The following VPS50 variants were observed in gnomAD, a reference collection of about 807,000 sequenced individuals.
The protein encoded by VPS50 is syndetin.
VPS50 carries 70 observed loss-of-function variants against 139.7 expected under a neutral mutation model. The observed-to-expected ratio is 0.50, with a 90% confidence interval of 0.41 to 0.61. VPS50 has a LOEUF of 0.61. Ranked by LOEUF, VPS50 falls within the 20% of genes least tolerant of loss-of-function variation. VPS50 has a pLI of 0.00. For missense variants in VPS50, 921 were observed against 1,133.7 expected (o/e 0.81, Z 2.69); for synonymous variants, 365 against 376.7 (o/e 0.97, Z 0.36).
At chr7:93,245,436 GAA>G (rs1333651020) in intron 2 of VPS50, among the ~76,000 whole-genome samples, 1 of 151,830 alleles carries the variant, frequency 6.6e-6, no homozygotes, top group African/African-American at 2.4e-5. Flanking sequence ...TTCTTTTAGA[GAA>G]AGTGTCTGAT....
rs1240659742 is a variant in VPS50 at position 93,238,135 on chromosome 7, A to G, written c.34-1731A>G. On this transcript the variant is annotated intron_variant, in intron 1 of 27. Coordinates refer to ENST00000305866, the MANE Select transcript of VPS50 (RefSeq NM_017667.4). The stretch of plus-strand genomic sequence containing the variant: ...TGTGTGCATATATAATGTATATAGA[A>G]GTGTAGTTTGGTAACTCAGCCTTGC... 2.0e-5 allele frequency among the ~76,000 whole-genome samples: 3 copies of G among 152,198 alleles called. No homozygotes were observed. In the East Asian group the frequency reaches 5.8e-4, roughly 29 times the overall value.
chr7:93,287,305 T>C (rs574617138), intron 12 of VPS50, among the ~76,000 whole-genome samples: 2 of 152,184 alleles, frequency 1.3e-5, no homozygotes, highest in South Asian at 4.1e-4. Context: ...ATAGCTTCAC[T>C]AAGTAACTTT....
chr7:93,275,090 T>G (rs1357121101), intron 11 of VPS50, among the ~76,000 whole-genome samples: 3 of 152,162 alleles, frequency 2.0e-5, no homozygotes, highest in African/African-American at 7.2e-5. Context: ...ATTGCTACAA[T>G]CTTATGATAA....
intron 21 of VPS50, among the ~76,000 whole-genome samples, chr7:93,327,311 G>A (rs146412249): frequency 1.9e-3 from 289 of 152,192 alleles, no homozygotes; most frequent in African/African-American, 6.8e-3. Context: ...AAATAGCCAC[G>A]TGTGACTACT....
chr7:93,270,751 T>C (rs1795981484), intron 9 of VPS50, among the ~76,000 whole-genome samples: 3 of 152,014 alleles, frequency 2.0e-5, no homozygotes, highest in Non-Finnish European at 4.4e-5. Context: ...TTTTAATTTT[T>C]TAAAAATATT....
chr7:93,252,133 T>C (rs1795353703), intron 2 of VPS50, among the ~76,000 whole-genome samples: 1 of 152,170 alleles, frequency 6.6e-6, no homozygotes, highest in African/African-American at 2.4e-5. Context: ...CTCATAGTAT[T>C]ACAGAACTAA....
At chr7:93,344,275 G>A (rs1798318346) in intron 23 of VPS50, among the ~76,000 whole-genome samples, 1 of 152,168 alleles carries the variant, frequency 6.6e-6, no homozygotes, top group South Asian at 2.1e-4. Flanking sequence ...AACAAGAAAA[G>A]CTAACTATCC....
intron 20 of VPS50, among the ~76,000 whole-genome samples, chr7:93,316,784 T>C (rs187706552): frequency 1.0e-3 from 155 of 152,262 alleles, no homozygotes; most frequent in Middle Eastern, 3.4e-3. Flanking sequence ...AAAAACATGA[T>C]CAGGATACAT....
intron 17 of VPS50, among the ~76,000 whole-genome samples, chr7:93,304,959 T>C (rs1024166035): frequency 2.0e-5 from 3 of 151,904 alleles, no homozygotes; most frequent in Admixed American, 1.3e-4. Flanking sequence ...ACATATATCA[T>C]TTAATACAAC....
chr7:93,356,947 C>T (rs756493063), intron 27 of VPS50, among the ~76,000 whole-genome samples: 1 of 152,060 alleles, frequency 6.6e-6, no homozygotes, highest in Non-Finnish European at 1.5e-5. Flanking sequence ...TTCACATTGG[C>T]GTGAATCTTG....
intron 2 of VPS50, among the ~76,000 whole-genome samples, chr7:93,243,353 G>A (rs576888061): frequency 1.3e-5 from 2 of 151,960 alleles, no homozygotes; most frequent in Admixed American, 6.6e-5. Flanking sequence ...TTAAATCACC[G>A]TTTTTGGGTG....
In VPS50 at chr7:93,338,169, A is replaced by G. The variant is rs1421241874; in HGVS notation, c.2059-3258A>G. Among the ~76,000 whole-genome samples, 4 of 152,130 alleles carry G rather than the reference A, an allele frequency of 2.6e-5. No homozygotes were observed. In the South Asian group the frequency reaches 6.2e-4, roughly 24 times the overall value. ...AAGAGGTATTGGAAGCAGACAGAAA[A>G]CGAGCTATGTGATGAGGGTGCAGGA... On this transcript the variant is annotated intron_variant, in intron 22 of 27. Transcript: ENST00000305866.
chr7:93,310,307 T>A (rs978299721), intron 19 of VPS50, among the ~76,000 whole-genome samples: 3 of 152,062 alleles, frequency 2.0e-5, no homozygotes, highest in African/African-American at 7.2e-5. Context: ...TTCTAACTTG[T>A]GTCTCTTGAA....
At chr7:93,296,367 T>C (rs1339164657) in intron 14 of VPS50, among the ~76,000 whole-genome samples, 1 of 152,226 alleles carries the variant, frequency 6.6e-6, no homozygotes, top group Non-Finnish European at 1.5e-5. Context: ...CTTATAGTTA[T>C]TGAATATACA....
intron 23 of VPS50, among the ~76,000 whole-genome samples, chr7:93,342,404 G>C (rs1428232166): frequency 6.6e-6 from 1 of 152,198 alleles, no homozygotes; most frequent in Non-Finnish European, 1.5e-5. Context: ...CTGGGGGAGG[G>C]GCACCCGCCA....
At chr7:93,294,417 A>G in intron 13 of VPS50, 128 bp from the exon 14 acceptor site, 1 of 795,184 alleles carries the variant, frequency 1.3e-6, no homozygotes, top group Non-Finnish European at 1.9e-6. Flanking sequence ...TTTTGATTGT[A>G]TAAATATCAA....
rs541357515 is a variant in VPS50 at position 93,358,686 on chromosome 7, A to T, written c.*250A>T. Reference sequence around the variant, plus strand: ...TTGCCGCCTTGTCATAACAATGGTTATGTGACTACAGTTATACATTTTACA... The same window carrying T: ...TTGCCGCCTTGTCATAACAATGGTTTTGTGACTACAGTTATACATTTTACA... On this transcript the variant is annotated 3_prime_UTR_variant, in exon 28 of 28. Transcript: ENST00000305866. 2.0e-5 allele frequency: 7 copies of T among 345,018 alleles called. No homozygotes were observed. In the East Asian group the frequency reaches 3.6e-4, roughly 18 times the overall value. 21.4% of individuals were successfully genotyped at this position (345,018 alleles called of 1,614,324 possible). A position where few individuals can be genotyped will look rare whatever the true frequency, so the allele number is the denominator to read the frequency against.
chr7:93,316,626 G>A (rs139708834), intron 20 of VPS50, among the ~76,000 whole-genome samples: 2 of 152,280 alleles, frequency 1.3e-5, no homozygotes, highest in South Asian at 4.2e-4. Flanking sequence ...CAGTTATAAT[G>A]CCAGAAATGA....
At chr7:93,332,131 C>T (rs750566278) in intron 21 of VPS50, among the ~76,000 whole-genome samples, 5 of 152,182 alleles carry the variant, frequency 3.3e-5, no homozygotes, top group African/African-American at 7.2e-5. Context: ...AGCATAGACT[C>T]GGCTGCTAAA....
Sources: allele counts gnomAD v4.1 joint callset (sites outside exome capture counted in the v4.1 genomes callset), GRCh38; gene constraint gnomAD v4.1.1; transcripts MANE v1.5; gene names NCBI Gene and HGNC (gene_info 2026-07-23, HGNC 2026-07-21).